The following ATRX variants were observed in gnomAD, a reference collection of about 807,000 sequenced individuals.
The protein encoded by ATRX is ATRX chromatin remodeler, also known as chromatin remodeler ATRX.
A neutral mutation model predicts 172.6 loss-of-function variants in ATRX; 12 were observed. The observed-to-expected ratio is 0.07, with a 90% CI of 0.04 to 0.11. The LOEUF (loss-of-function observed/expected upper bound fraction) is 0.11. Among genes scored for constraint, ATRX ranks in the 10% least tolerant of loss-of-function variants. The pLI is 1.00. For synonymous variants in ATRX, 674 were observed against 594.7 expected, an observed-to-expected ratio of 1.13 and a Z score of -1.94; for missense variants, 1,368 against 1,767.4, an observed-to-expected ratio of 0.77 and a Z score of 4.05.
chrX:77,525,167 G>T (rs2063343461), intron 30 of ATRX, among the ~76,000 whole-genome samples: 1 of 112,294 alleles, frequency 8.9e-6, no homozygotes, highest in Non-Finnish European at 1.9e-5. Context: ...ACTTTGAAAT[G>T]TTAACTAAAT....
intron 7 of ATRX, 139 bp from the exon 8 acceptor site, chrX:77,685,145 C>CTTGTGTAATATGCTCA: frequency 2.1e-6 from 1 of 485,842 alleles, no homozygotes; most frequent in Non-Finnish European, 3.5e-6. Context: ...ATTTATTGAG[C>CTTGTGTAATATGCTCA]ATATTACACA....
At chrX:77,598,545 C>T (rs1300419658) in intron 25 of ATRX, among the ~76,000 whole-genome samples, 1 of 111,899 alleles carries the variant, frequency 8.9e-6, no homozygotes, top group Non-Finnish European at 1.9e-5. Flanking sequence ...CTAGGTGGCC[C>T]CCACAACTCT....
At chrX:77,516,423 A>G (rs1333781232) in intron 34 of ATRX, among the ~76,000 whole-genome samples, 1 of 111,992 alleles carries the variant, frequency 8.9e-6, no homozygotes, top group Non-Finnish European at 1.9e-5. Context: ...ACCAAAAAAG[A>G]GCAGGACTAG....
chrX:77,766,478 C>T (rs1290890031), intron 1 of ATRX, among the ~76,000 whole-genome samples: 6 of 103,790 alleles, frequency 5.8e-5, no homozygotes, highest in African/African-American at 1.4e-4. Flanking sequence ...GCGGTTGCCA[C>T]GCAGAGGGTC....
At chrX:77,626,923 G>T (rs994315537) in intron 19 of ATRX, among the ~76,000 whole-genome samples, 3 of 112,120 alleles carry the variant, frequency 2.7e-5, no homozygotes, top group Admixed American at 1.9e-4. Context: ...TGAAGAACTA[G>T]AAGAATTAAG....
At chrX:77,769,415 A>C (rs782352871) in intron 1 of ATRX, among the ~76,000 whole-genome samples, 2 of 109,242 alleles carry the variant, frequency 1.8e-5, no homozygotes, top group African/African-American at 3.3e-5. Context: ...CAGCCTCCCG[A>C]GTACCTGGGA....
chrX:77,686,673 C>T (rs782503988), intron 7 of ATRX, among the ~76,000 whole-genome samples: 1 of 110,740 alleles, frequency 9.0e-6, no homozygotes, highest in East Asian at 2.8e-4. Context: ...CAAGATCACG[C>T]CATTGCACTC....
At chrX:77,714,143 A>G (rs2073249035) in intron 2 of ATRX, among the ~76,000 whole-genome samples, 1 of 111,474 alleles carries the variant, frequency 9.0e-6, no homozygotes, top group Admixed American at 9.6e-5. Context: ...AGACACCTGA[A>G]AAGAACTAGG....
chrX:77,540,644 A>G (rs1033046678), intron 30 of ATRX, among the ~76,000 whole-genome samples: 3 of 112,261 alleles, frequency 2.7e-5, no homozygotes, highest in Non-Finnish European at 5.6e-5. Context: ...ATCAAATCAG[A>G]ACTCGAGATT....
At chrX:77,583,789 G>A (rs2065913305) in intron 27 of ATRX, among the ~76,000 whole-genome samples, 2 of 111,653 alleles carry the variant, frequency 1.8e-5, no homozygotes, top group Admixed American at 1.9e-4. Context: ...GGAAGTCCTA[G>A]CTAGAGTAAT....
intron 2 of ATRX, among the ~76,000 whole-genome samples, chrX:77,714,954 C>T (rs1557163859): frequency 8.9e-6 from 1 of 111,741 alleles, no homozygotes; most frequent in East Asian, 2.8e-4. Flanking sequence ...CTTTCCCATT[C>T]TTATTCATTA....
At chrX:77,664,602 G>C (rs781947808) in intron 11 of ATRX, 43 bp downstream of exon 11, 4 of 1,198,744 alleles carry the variant, frequency 3.3e-6, no homozygotes, top group Non-Finnish European at 4.5e-6. Context: ...ATTAGTCAAG[G>C]AATCAAATTA....
chrX:77,682,805 A>G lies in ATRX; in HGVS notation c.2451T>C (p.Tyr817=), dbSNP rs782284572. The change falls in exon 9 of 35, where the codon TAT becomes TAC. Residue 817 remains tyrosine, a synonymous_variant. Transcript: ENST00000373344. ...TTATCTCTTTTTCTAATTCTGAGTC[A>G]TAATTAGAAGACTCAGACTGGGTTT... ...KRQTQSESSN[Y]DSELEKEIKS... 1 of 1,209,802 alleles carries G rather than the reference A, an allele frequency of 8.3e-7. No individual in the cohort carries two copies. The highest frequency in any genetic ancestry group is 1.1e-6 in the Non-Finnish European group (1 of 894,417).
At chrX:77,734,902 A>C (rs1179231598) in intron 1 of ATRX, among the ~76,000 whole-genome samples, 1 of 105,642 alleles carries the variant, frequency 9.5e-6, no homozygotes, top group Non-Finnish European at 1.9e-5. Context: ...TTTGAGGTCA[A>C]GAGTTCGAGA....
At chrX:77,582,629 CA>C (rs2065867006) in intron 27 of ATRX, among the ~76,000 whole-genome samples, 1 of 110,463 alleles carries the variant, frequency 9.1e-6, no homozygotes, top group African/African-American at 3.3e-5. Flanking sequence ...AGAGAAGACC[CA>C]AAAAAATAAA....
rs1373085051 is a variant in ATRX, at chrX:77,719,707, G to A, written c.21-2464C>T. 2.7e-5 allele frequency among the ~76,000 whole-genome samples: 3 copies of A among 111,390 alleles called. No homozygotes were observed. In the East Asian group the frequency reaches 8.4e-4, roughly 31 times the overall value. On this transcript the variant is annotated intron_variant, in intron 1 of 34. Coordinates refer to ENST00000373344, the MANE Select transcript of ATRX (RefSeq NM_000489.6). ...GCAAGTTCTTAGAGACCTACAAAGA[G>A]ACTTAGACTCTCACACAATAATAGT...
intron 27 of ATRX, among the ~76,000 whole-genome samples, chrX:77,587,540 T>C (rs1730073825): frequency 8.9e-6 from 1 of 112,010 alleles, no homozygotes; most frequent in East Asian, 2.8e-4. Flanking sequence ...CTTCACACTA[T>C]GATTAGAGAC....
intron 6 of ATRX, among the ~76,000 whole-genome samples, chrX:77,690,389 A>T (rs1361140037): frequency 4.4e-5 from 5 of 112,559 alleles, no homozygotes; most frequent in African/African-American, 1.6e-4. Flanking sequence ...ACGTTAATGT[A>T]TAAGAACACC....
At chrX:77,608,196 C>T (rs1162883697) in intron 22 of ATRX, among the ~76,000 whole-genome samples, 4 of 108,798 alleles carry the variant, frequency 3.7e-5, no homozygotes, top group Admixed American at 9.9e-5. Flanking sequence ...AGTGAAACCC[C>T]GCCTCTACTA....
Sources: gnomAD v4.1 joint callset for allele counts (sites outside exome capture counted in the v4.1 genomes callset) on GRCh38, gnomAD v4.1.1 for gene constraint, MANE v1.5 for transcripts, NCBI Gene and HGNC (gene_info 2026-07-23, HGNC 2026-07-21) for gene names.